The following IL1RAPL1 variants were observed in gnomAD, a reference collection of about 807,000 sequenced individuals.
The protein encoded by IL1RAPL1 is interleukin-1 receptor accessory protein-like 1.
In IL1RAPL1, 3 loss-of-function variants were observed where a neutral mutation model predicts 48.4. That is an observed-to-expected ratio of 0.06 (90% CI 0.03 to 0.16). The LOEUF is 0.16. Ranked by LOEUF, IL1RAPL1 falls within the 10% of genes least tolerant of loss-of-function variation. The pLI, the probability that IL1RAPL1 is intolerant of heterozygous loss-of-function variation, is 1.00. For synonymous variants in IL1RAPL1, 185 were observed against 187.7 expected (o/e 0.99, Z 0.12); for missense variants, 349 against 530.6 (o/e 0.66, Z 3.36).
intron 5 of IL1RAPL1, among the ~76,000 whole-genome samples, chrX:29,530,689 G>A (rs1935603469): frequency 8.9e-6 from 1 of 111,844 alleles, no homozygotes; most frequent in African/African-American, 3.3e-5. Context: ...AATTCTGAGG[G>A]TATACTGGTA....
intron 1 of IL1RAPL1, among the ~76,000 whole-genome samples, chrX:28,605,177 C>A (rs960602962): frequency 8.9e-6 from 1 of 112,220 alleles, no homozygotes; most frequent in African/African-American, 3.2e-5. Context: ...TATCAGTATC[C>A]TTTTTGTCAC....
At chrX:28,690,703 C>G (rs1040245284) in intron 1 of IL1RAPL1, among the ~76,000 whole-genome samples, 1 of 111,492 alleles carries the variant, frequency 9.0e-6, no homozygotes, top group African/African-American at 3.3e-5. Flanking sequence ...AAACCTCATC[C>G]TCTCCTGCTC....
At chrX:28,883,384 A>G (rs1020668716) in intron 2 of IL1RAPL1, among the ~76,000 whole-genome samples, 3 of 112,126 alleles carry the variant, frequency 2.7e-5, no homozygotes, top group Admixed American at 9.5e-5. Context: ...AACTTTATCT[A>G]TTGTCCAATA....
At chrX:28,891,115 G>C (rs1000623567) in intron 2 of IL1RAPL1, among the ~76,000 whole-genome samples, 2 of 111,774 alleles carry the variant, frequency 1.8e-5, no homozygotes, top group Admixed American at 9.5e-5. Context: ...ATTCATAAAG[G>C]AGAGAAAGTA....
intron 5 of IL1RAPL1, among the ~76,000 whole-genome samples, chrX:29,506,363 T>C (rs1237972811): frequency 1.8e-5 from 2 of 111,620 alleles, no homozygotes; most frequent in Non-Finnish European, 3.8e-5. Flanking sequence ...TAATTTTTAT[T>C]GGATGTGTTT....
intron 2 of IL1RAPL1, among the ~76,000 whole-genome samples, chrX:29,281,144 C>A (rs1316001344): frequency 9.0e-6 from 1 of 111,472 alleles, no homozygotes; most frequent in Non-Finnish European, 1.9e-5. Flanking sequence ...TTATCCTGTT[C>A]TCAGAGCTGT....
chrX:28,847,102 C>A (rs764205413), intron 2 of IL1RAPL1, among the ~76,000 whole-genome samples: 3 of 111,643 alleles, frequency 2.7e-5, no homozygotes, highest in African/African-American at 9.8e-5. Context: ...TTCTCCCACA[C>A]CTGACCCTTC....
intron 5 of IL1RAPL1, among the ~76,000 whole-genome samples, chrX:29,547,171 C>A (rs1243216657): frequency 9.0e-6 from 1 of 111,655 alleles, no homozygotes; most frequent in African/African-American, 3.3e-5. Context: ...GCTATAAAAT[C>A]ACCTCTTCAA....
intron 3 of IL1RAPL1, among the ~76,000 whole-genome samples, chrX:29,341,907 A>G (rs1034433243): frequency 2.7e-5 from 3 of 110,634 alleles, no homozygotes; most frequent in Non-Finnish European, 5.7e-5. Flanking sequence ...CCCGGGTTCA[A>G]GAGATTCTCC....
At chrX:29,802,767 A>ATATGTG (rs1484416361) in intron 6 of IL1RAPL1, among the ~76,000 whole-genome samples, 1 of 27,057 alleles carries the variant, frequency 3.7e-5, no homozygotes, top group Non-Finnish European at 5.9e-5. Flanking sequence ...ATATATATAT[A>ATATGTG]TATATATATA....
At chrX:29,266,990 A>G (rs1051078363) in intron 2 of IL1RAPL1, among the ~76,000 whole-genome samples, 2 of 111,884 alleles carry the variant, frequency 1.8e-5, no homozygotes, top group African/African-American at 6.5e-5. Context: ...CATAGCACCA[A>G]TCAGTCATGT....
chrX:29,114,088 T>G (rs1459284542), intron 2 of IL1RAPL1, among the ~76,000 whole-genome samples: 1 of 111,906 alleles, frequency 8.9e-6, no homozygotes, highest in Non-Finnish European at 1.9e-5. Flanking sequence ...TTTCTGTTCT[T>G]ATACTGTTCT....
intron 6 of IL1RAPL1, among the ~76,000 whole-genome samples, chrX:29,885,968 T>G (rs1251476627): frequency 8.9e-6 from 1 of 112,387 alleles, no homozygotes; most frequent in African/African-American, 3.2e-5. Context: ...AAATTATTCT[T>G]ATTAACATTT....
chrX:28,620,675 G>A (rs1451485683), intron 1 of IL1RAPL1, among the ~76,000 whole-genome samples: 1 of 111,499 alleles, frequency 9.0e-6, no homozygotes, highest in Non-Finnish European at 1.9e-5. Flanking sequence ...ATTCATAGAG[G>A]GCTTAATCCT....
At chrX:29,767,530 A>G (rs558282795) in intron 6 of IL1RAPL1, among the ~76,000 whole-genome samples, 3 of 112,165 alleles carry the variant, frequency 2.7e-5, no homozygotes, top group African/African-American at 9.7e-5. Flanking sequence ...AAAGATGCAG[A>G]ATATGTTACA....
At chrX:29,283,286 C>T in intron 3 of IL1RAPL1, 69 bp downstream of exon 3, 1 of 1,067,926 alleles carries the variant, frequency 9.4e-7, no homozygotes, top group Non-Finnish European at 1.3e-6. Flanking sequence ...TTAAATGTTG[C>T]TGCTATCTCT....
intron 3 of IL1RAPL1, among the ~76,000 whole-genome samples, chrX:29,334,016 GC>G (rs1932932889): frequency 1.2e-5 from 1 of 86,769 alleles, no homozygotes; most frequent in Non-Finnish European, 2.3e-5. Context: ...GGCTGGCCGG[GC>G]GGGGGGCTGA....
chrX:29,931,128 C>T (rs1010273642), intron 8 of IL1RAPL1, among the ~76,000 whole-genome samples: 1 of 110,226 alleles, frequency 9.1e-6, no homozygotes, highest in Non-Finnish European at 1.9e-5. Context: ...TGGTAGCTCC[C>T]AAAACATGCT....
intron 5 of IL1RAPL1, among the ~76,000 whole-genome samples, chrX:29,615,031 G>A (rs1221237823): frequency 9.0e-6 from 1 of 111,460 alleles, no homozygotes; most frequent in Non-Finnish European, 1.9e-5. Context: ...AATCTTGCTG[G>A]ATGATACATA....
Sources: gnomAD v4.1 joint callset for allele counts (sites outside exome capture counted in the v4.1 genomes callset) on GRCh38, gnomAD v4.1.1 for gene constraint, MANE v1.5 for transcripts, NCBI Gene and HGNC (gene_info 2026-07-23, HGNC 2026-07-21) for gene names.